The following DPP6 variants were observed in gnomAD, a reference collection of about 807,000 sequenced individuals.
The protein encoded by DPP6 is A-type potassium channel modulatory protein DPP6.
In DPP6, 69 loss-of-function variants were observed where a neutral mutation model predicts 122.6. The ratio of observed to expected loss-of-function variants is 0.56; its 90% CI spans 0.46 to 0.69. DPP6 has a LOEUF of 0.69. DPP6 is among the 30% of genes least tolerant of loss of function. DPP6 has a pLI of 0.00. For synonymous variants in DPP6, 418 were observed against 433.1 expected (o/e 0.97, Z 0.43); for missense variants, 928 against 1,116.9 (o/e 0.83, Z 2.41).
chr7:154,265,093 G>A (rs1274439406), intron 1 of DPP6, among the ~76,000 whole-genome samples: 1 of 152,228 alleles, frequency 6.6e-6, no homozygotes, highest in African/African-American at 2.4e-5. Context: ...TGGTGATGAT[G>A]ATGGTGATGA....
rs561168626 is a variant in DPP6 at position 153,984,683 on chromosome 7, T to TC, written c.51+96953dup. 1.8e-3 allele frequency among the ~76,000 whole-genome samples: 271 copies of TC among 152,270 alleles called. 1 individual carries two copies. The highest frequency in any genetic ancestry group is 5.8e-3 in the African/African-American group (239 of 41,562). On this transcript the variant is annotated intron_variant, in intron 1 of 25. Transcript: ENST00000404039. ...CAGTGTACTGATACCATTTGAAATA[T>TC]CCCCACTTGTTCTTCATGAATTCCC...
At chr7:154,637,774 C>G (rs549008113) in intron 5 of DPP6, 47 bp from the exon 6 acceptor site, 1 of 1,526,420 alleles carries the variant, frequency 6.6e-7, no homozygotes, top group Non-Finnish European at 8.8e-7. Flanking sequence ...ATCATCGTAA[C>G]AGCCTTTGTC....
Position 154,833,153 on chromosome 7 carries a change from C to T in DPP6, c.1667-20627C>T, listed in dbSNP as rs571868752. 8.0e-5 allele frequency among the ~76,000 whole-genome samples: 12 copies of T among 149,908 alleles called. No homozygotes were observed. Among genetic ancestry groups the T allele is most frequent in the African/African-American group, 2.3e-4 (9 of 39,432 alleles). ...CTGCTAAGTGGAGGCATCTCACTCA[C>T]GCCATGCAAGCAGCCTGGGCTCCGA... On this transcript the variant is annotated intron_variant, in intron 16 of 25. Transcript: ENST00000377770. The surrounding 1 kb of genome is among the most constrained non-coding windows in gnomAD (Gnocchi z 4.3).
At chr7:154,383,761 G>A (rs1035109274) in intron 1 of DPP6, among the ~76,000 whole-genome samples, 17 of 151,838 alleles carry the variant, frequency 1.1e-4, no homozygotes, top group Middle Eastern at 3.4e-3. Flanking sequence ...ATGGTGGTGC[G>A]TGCCTGTAAT....
At chr7:154,408,427 G>T (rs1011088924) in intron 1 of DPP6, among the ~76,000 whole-genome samples, 1 of 151,838 alleles carries the variant, frequency 6.6e-6, no homozygotes, top group Non-Finnish European at 1.5e-5. Context: ...GTTTTATGTG[G>T]TTATTGTTTT....
At chr7:154,346,637 C>T (rs1023807877) in intron 1 of DPP6, among the ~76,000 whole-genome samples, 3 of 152,140 alleles carry the variant, frequency 2.0e-5, no homozygotes, top group African/African-American at 7.2e-5. Context: ...GGGACCCCCC[C>T]TGTGTCTTGA....
chr7:154,527,983 T>A (rs1255085602), intron 3 of DPP6, among the ~76,000 whole-genome samples: 1 of 151,028 alleles, frequency 6.6e-6, no homozygotes, highest in East Asian at 1.9e-4. Flanking sequence ...TATTGTTATA[T>A]CAGTTTGAAA....
chr7:154,207,766 T>C (rs536184917), intron 1 of DPP6, among the ~76,000 whole-genome samples: 17 of 152,306 alleles, frequency 1.1e-4, no homozygotes, highest in South Asian at 8.3e-4. Context: ...GAGAATCTTT[T>C]TTTGGAAAGG....
In DPP6 at chr7:154,266,340, G is replaced by T. The variant is rs150069628; in HGVS notation, c.244-179874G>T. Among the ~76,000 whole-genome samples, 1,175 of 152,180 alleles carry T rather than the reference G, an allele frequency of 7.7e-3. 24 individuals carry two copies. Among genetic ancestry groups the T allele is most frequent in the African/African-American group, 0.025 (1,055 of 41,502 alleles). The stretch of plus-strand genomic sequence containing the variant: ...ACAGTCTTATTCACCAAGATCTGGC[G>T]CAGGCTTTGAAAGAAGGGACACCTG... On this transcript the variant is annotated intron_variant, in intron 1 of 25. Transcript: ENST00000377770.
intron 4 of DPP6, 89 bp from the exon 5 acceptor site, chr7:154,566,752 GA>G: frequency 1.4e-6 from 1 of 708,346 alleles, no homozygotes; most frequent in Non-Finnish European, 2.4e-6. Flanking sequence ...AATTAATTTT[GA>G]AAATGGCACC....
intron 5 of DPP6, among the ~76,000 whole-genome samples, chr7:154,615,253 C>T (rs1208417546): frequency 6.6e-6 from 1 of 152,104 alleles, no homozygotes; most frequent in Non-Finnish European, 1.5e-5. Flanking sequence ...CCTCTTTGCT[C>T]TGTAGTTCCA....
chr7:154,681,487 T>C (rs552818592), intron 7 of DPP6, among the ~76,000 whole-genome samples: 8 of 152,312 alleles, frequency 5.3e-5, no homozygotes, highest in Admixed American at 3.3e-4. Flanking sequence ...CTTTGGATGA[T>C]GGGGCGTGGA....
chr7:154,465,711 A>C (rs1253974048), intron 2 of DPP6, among the ~76,000 whole-genome samples: 3 of 152,210 alleles, frequency 2.0e-5, no homozygotes, highest in Non-Finnish European at 4.4e-5. Context: ...GAAACAACAG[A>C]TTCTGGAGAG....
rs933295505 is a variant in DPP6 at position 154,497,804 on chromosome 7, G to A, written c.457+22767G>A. ...CTGGGAAGGAATAAAACAAAGGGTC[G>A]TCAATATTTATCTTCTAGGATCAGG... On this transcript the variant is annotated intron_variant, in intron 3 of 25. Transcript: ENST00000377770. 9.3e-4 allele frequency among the ~76,000 whole-genome samples: 141 copies of A among 152,066 alleles called. 1 individual carries two copies. The highest frequency in any genetic ancestry group is 2.6e-4 in the Non-Finnish European group (18 of 67,992).
chr7:154,599,696 G>A (rs530877856), intron 5 of DPP6, among the ~76,000 whole-genome samples: 153 of 151,696 alleles, frequency 1.0e-3, no homozygotes, highest in Middle Eastern at 6.8e-3. Flanking sequence ...ACAGGCCCTG[G>A]TGTGTGATGT....
chr7:154,140,748 G>T (rs1186628169), intron 1 of DPP6, among the ~76,000 whole-genome samples: 2 of 152,216 alleles, frequency 1.3e-5, no homozygotes, highest in Middle Eastern at 3.4e-3. Context: ...ATTTTTTTAA[G>T]CCTCATTTCT....
intron 1 of DPP6, among the ~76,000 whole-genome samples, chr7:154,377,666 C>A (rs186646665): frequency 6.6e-6 from 1 of 152,110 alleles, no homozygotes; most frequent in African/African-American, 2.4e-5. Context: ...TGTGGTAAGA[C>A]GTGCCTTGCT....
intron 1 of DPP6, among the ~76,000 whole-genome samples, chr7:153,998,763 A>G (rs2129044963): frequency 6.6e-6 from 1 of 152,304 alleles, no homozygotes; most frequent in Non-Finnish European, 1.5e-5. Flanking sequence ...GTGTTTATAG[A>G]ATTGGCTACT....
intron 1 of DPP6, among the ~76,000 whole-genome samples, chr7:154,437,850 A>G (rs532145457): frequency 5.3e-5 from 8 of 152,106 alleles, no homozygotes; most frequent in Non-Finnish European, 1.0e-4. Flanking sequence ...GCAGGGAGAA[A>G]TGTTTGAACC....
Sources: gnomAD v4.1 joint callset for allele counts (sites outside exome capture counted in the v4.1 genomes callset) on GRCh38, gnomAD v4.1.1 for gene constraint, Gnocchi (gnomAD v3.1) non-coding constraint, MANE v1.5 for transcripts, NCBI Gene and HGNC (gene_info 2026-07-23, HGNC 2026-07-21) for gene names.